The following WDR49 variants were observed in gnomAD, a reference collection of about 807,000 sequenced individuals.
The protein encoded by WDR49 is cilia- and flagella-associated protein 337.
WDR49 carries 107 observed loss-of-function variants against 119.5 expected under a neutral mutation model. That is an observed-to-expected ratio of 0.90 (90% CI 0.77 to 1.05). The LOEUF (loss-of-function observed/expected upper bound fraction) is 1.05, where lower values mean the gene tolerates loss of function less well. Among genes scored for constraint, WDR49 ranks in the 50% least tolerant of loss-of-function variants. WDR49 has a pLI of 0.00. For synonymous variants in WDR49, 425 were observed against 418.8 expected (o/e 1.01, Z -0.18); for missense variants, 1,240 against 1,220.5 (o/e 1.02, Z -0.24).
chr3:167,622,306 G>A (rs534608524), intron 3 of WDR49, among the ~76,000 whole-genome samples: 17 of 152,132 alleles, frequency 1.1e-4, no homozygotes, highest in African/African-American at 3.9e-4. Context: ...AGAGGCCAAC[G>A]CAGGAGGATT....
chr3:167,528,597 T>C (rs1245542216), intron 14 of WDR49, among the ~76,000 whole-genome samples: 1 of 150,822 alleles, frequency 6.6e-6, no homozygotes, highest in East Asian at 1.9e-4. Context: ...AACACTCCTG[T>C]AGTCCTAGCT....
At chr3:167,518,384 C>G (rs550390208) in intron 16 of WDR49, among the ~76,000 whole-genome samples, 204 of 152,238 alleles carry the variant, frequency 1.3e-3, no homozygotes, top group African/African-American at 4.6e-3. Context: ...TCCACATCCT[C>G]TCCGGCTCCT....
chr3:167,480,116 TCAGCTACTCGGGAGGC>T (rs1235442932), intron 18 of WDR49, among the ~76,000 whole-genome samples: 8 of 151,216 alleles, frequency 5.3e-5, no homozygotes, highest in East Asian at 3.9e-4. Context: ...GCCTGTAATC[TCAGCTACTCGGGAGGC>T]CAGCTACTCG....
intron 10 of WDR49, among the ~76,000 whole-genome samples, chr3:167,541,673 C>A (rs1332772640): frequency 6.6e-6 from 1 of 152,016 alleles, no homozygotes; most frequent in Non-Finnish European, 1.5e-5. Context: ...CAAAAACTAG[C>A]ACAATAAATA....
chr3:167,657,572 C>G (rs1405867319), upstream of WDR49, among the ~76,000 whole-genome samples: 1 of 147,354 alleles, frequency 6.8e-6, no homozygotes, highest in African/African-American at 2.5e-5. Context: ...ATATAGATCT[C>G]CCTTTTCCTT....
chr3:167,514,003 A>G (rs961964033), intron 16 of WDR49, among the ~76,000 whole-genome samples: 2 of 152,152 alleles, frequency 1.3e-5, no homozygotes, highest in African/African-American at 4.8e-5. Flanking sequence ...CTCCCACACA[A>G]TCATAGTGGG....
chr3:167,571,389 A>C (rs894715731), intron 8 of WDR49, among the ~76,000 whole-genome samples: 12 of 152,194 alleles, frequency 7.9e-5, no homozygotes, highest in African/African-American at 2.7e-4. Context: ...GTAAGATTCT[A>C]GGGGGCAATT....
At chr3:167,613,495 C>T (rs1716443811) in intron 5 of WDR49, among the ~76,000 whole-genome samples, 1 of 152,180 alleles carries the variant, frequency 6.6e-6, no homozygotes, top group African/African-American at 2.4e-5. Context: ...GCTAACTCGA[C>T]AGTGTCTGGA....
upstream of WDR49, among the ~76,000 whole-genome samples, chr3:167,656,688 T>C (rs1211963897): frequency 6.6e-6 from 1 of 152,238 alleles, no homozygotes; most frequent in African/African-American, 2.4e-5. Context: ...TAATTCTTGA[T>C]CATAAAGGCT....
At chr3:167,615,308 G>A (rs912163424) in intron 5 of WDR49, among the ~76,000 whole-genome samples, 2 of 151,950 alleles carry the variant, frequency 1.3e-5, no homozygotes, top group Admixed American at 1.3e-4. Flanking sequence ...GCTAATTCTT[G>A]TGTTTTTTAT....
At chr3:167,504,149 C>A (rs916520861) in intron 17 of WDR49, among the ~76,000 whole-genome samples, 1 of 152,192 alleles carries the variant, frequency 6.6e-6, no homozygotes, top group African/African-American at 2.4e-5. Context: ...CCCACTGGGG[C>A]ACTGCCTAGT....
intron 12 of WDR49, among the ~76,000 whole-genome samples, chr3:167,531,810 C>T (rs979597758): frequency 2.6e-5 from 4 of 152,090 alleles, no homozygotes; most frequent in African/African-American, 9.7e-5. Flanking sequence ...TGGGGATATT[C>T]GTCTCAGAAT....
chr3:167,619,588 C>T (rs1036698613), intron 5 of WDR49, among the ~76,000 whole-genome samples: 1 of 152,060 alleles, frequency 6.6e-6, no homozygotes, highest in Admixed American at 6.6e-5. Flanking sequence ...TACCAAAAAG[C>T]CAACAGTTGG....
At chr3:167,575,841 C>G in intron 8 of WDR49, 77 bp downstream of exon 8, 1 of 1,454,888 alleles carries the variant, frequency 6.9e-7, no homozygotes, top group Non-Finnish European at 9.4e-7. Flanking sequence ...TTCATTTTAC[C>G]TTAAACTGAA....
chr3:167,567,294 A>C (rs1460757152), intron 8 of WDR49, among the ~76,000 whole-genome samples: 1 of 152,164 alleles, frequency 6.6e-6, no homozygotes, highest in Non-Finnish European at 1.5e-5. Flanking sequence ...ACTCATCTTC[A>C]TCAAGTCATC....
chr3:167,643,476 G>T (rs1717975822), intron 2 of WDR49, among the ~76,000 whole-genome samples: 1 of 152,196 alleles, frequency 6.6e-6, no homozygotes, highest in African/African-American at 2.4e-5. Flanking sequence ...AAACTAAACA[G>T]ATGAAAGAGA....
chr3:167,480,896 C>T (rs1178143602), intron 18 of WDR49, among the ~76,000 whole-genome samples: 2 of 152,052 alleles, frequency 1.3e-5, no homozygotes, highest in African/African-American at 4.8e-5. Flanking sequence ...GAAGCAGAAG[C>T]TCTCTGGGAC....
intron 18 of WDR49, among the ~76,000 whole-genome samples, chr3:167,489,103 T>A (rs988923578): frequency 1.3e-5 from 2 of 152,124 alleles, no homozygotes; most frequent in Admixed American, 1.3e-4. Flanking sequence ...TCTTTAACTA[T>A]TTATCTACTT....
intron 18 of WDR49, among the ~76,000 whole-genome samples, chr3:167,484,316 G>A (rs1441896892): frequency 6.6e-6 from 1 of 152,082 alleles, no homozygotes; most frequent in Admixed American, 6.6e-5. Context: ...GGACAGGGGA[G>A]GGATAGCATT....
Sources: gnomAD v4.1 joint callset for allele counts (sites outside exome capture counted in the v4.1 genomes callset) on GRCh38, gnomAD v4.1.1 for gene constraint, MANE v1.5 for transcripts, NCBI Gene and HGNC (gene_info 2026-07-23, HGNC 2026-07-21) for gene names.